Variants in CNTNAP5 observed in about 807,000 individuals in gnomAD.
The protein encoded by CNTNAP5 is contactin-associated protein-like 5.
Under a neutral mutation model 150.2 loss-of-function variants are expected in CNTNAP5, and 72 were observed. That is an observed-to-expected ratio of 0.48 (90% confidence interval 0.40 to 0.58). The LOEUF is 0.58. Ranked by LOEUF, CNTNAP5 falls within the 20% of genes least tolerant of loss-of-function variation. The pLI is 0.00. For missense variants in CNTNAP5, 1,636 were observed against 1,626.2 expected, an observed-to-expected ratio of 1.01 and a Z score of -0.10; for synonymous variants, 672 against 619.8, an observed-to-expected ratio of 1.08 and a Z score of -1.25.
intron 3 of CNTNAP5, among the ~76,000 whole-genome samples, chr2:124,412,969 G>A (rs1454887631): frequency 5.2e-5 from 4 of 76,218 alleles, no homozygotes; most frequent in Admixed American, 1.5e-4. Flanking sequence ...GAAAATTTTC[G>A]CAACCTACTC....
At chr2:124,853,824 G>A (rs1412707681) in intron 19 of CNTNAP5, among the ~76,000 whole-genome samples, 4 of 152,078 alleles carry the variant, frequency 2.6e-5, no homozygotes, top group Admixed American at 6.6e-5. Flanking sequence ...CCATCCTCAC[G>A]TAGGCCCTGG....
chr2:124,387,638 G>A (rs1690964252), intron 3 of CNTNAP5, among the ~76,000 whole-genome samples: 1 of 152,138 alleles, frequency 6.6e-6, no homozygotes, highest in South Asian at 2.1e-4. Flanking sequence ...TCTTAAGGGT[G>A]GGGGAGATTA....
chr2:124,405,671 G>T (rs983747921), intron 3 of CNTNAP5, among the ~76,000 whole-genome samples: 1 of 152,142 alleles, frequency 6.6e-6, no homozygotes, highest in African/African-American at 2.4e-5. Context: ...AATGTTCTTT[G>T]TAGTTATTCG....
chr2:124,286,083 A>C (rs569316454), intron 3 of CNTNAP5, among the ~76,000 whole-genome samples: 1 of 152,206 alleles, frequency 6.6e-6, no homozygotes, highest in African/African-American at 2.4e-5. Context: ...TTTTATTTTG[A>C]TAACAGAACA....
At chr2:124,753,985 C>T (rs188656055) in intron 14 of CNTNAP5, among the ~76,000 whole-genome samples, 7 of 152,308 alleles carry the variant, frequency 4.6e-5, no homozygotes, top group Non-Finnish European at 8.8e-5. Context: ...ACATTGCCCT[C>T]CCCAAGGGCC....
At chr2:124,428,503 T>C (rs1359965158) in intron 4 of CNTNAP5, among the ~76,000 whole-genome samples, 1 of 152,158 alleles carries the variant, frequency 6.6e-6, no homozygotes, top group Non-Finnish European at 1.5e-5. Flanking sequence ...ACCTCTACCA[T>C]AACAAAGCCT....
intron 3 of CNTNAP5, among the ~76,000 whole-genome samples, chr2:124,401,385 T>C (rs184443092): frequency 5.2e-5 from 8 of 152,382 alleles, no homozygotes; most frequent in Non-Finnish European, 7.3e-5. Flanking sequence ...TCTGGGTTGA[T>C]GTACATAATA....
chr2:124,394,954 A>G (rs1691208783), intron 3 of CNTNAP5, among the ~76,000 whole-genome samples: 1 of 152,192 alleles, frequency 6.6e-6, no homozygotes, highest in African/African-American at 2.4e-5. Flanking sequence ...ACTCAGTAAA[A>G]TACATAATAA....
At chr2:124,400,750 T>A (rs982659346) in intron 3 of CNTNAP5, among the ~76,000 whole-genome samples, 2 of 151,822 alleles carry the variant, frequency 1.3e-5, no homozygotes, top group African/African-American at 4.8e-5. Context: ...TTCAGTCTTT[T>A]CCAGGCATGT....
intron 3 of CNTNAP5, among the ~76,000 whole-genome samples, chr2:124,297,989 T>C (rs921776002): frequency 5.3e-5 from 8 of 151,798 alleles, no homozygotes; most frequent in Non-Finnish European, 1.0e-4. Flanking sequence ...AGATTACAGG[T>C]GCTCACCACC....
chr2:124,030,182 G>T (rs1184792917), intron 1 of CNTNAP5, among the ~76,000 whole-genome samples: 1 of 152,038 alleles, frequency 6.6e-6, no homozygotes, highest in Non-Finnish European at 1.5e-5. Context: ...TGCTGATATT[G>T]CCTACTGGTC....
Position 124,509,009 on chromosome 2 carries a change from C to A in CNTNAP5, c.1327+4453C>A, listed in dbSNP as rs562051734. 3.3e-5 allele frequency among the ~76,000 whole-genome samples: 5 copies of A among 152,266 alleles called. No individual in the cohort carries two copies. The South Asian group carries it at 1.0e-3, about 32-fold the overall frequency. Reference sequence around the variant, plus strand: ...ATTTTTGAGAGTCAACGGGGCTATACTTGATGCTTGGTATGTCCCAAATGG... The same window carrying A: ...ATTTTTGAGAGTCAACGGGGCTATAATTGATGCTTGGTATGTCCCAAATGG... On this transcript the variant is annotated intron_variant, in intron 8 of 23. Transcript: ENST00000682447.
intron 3 of CNTNAP5, among the ~76,000 whole-genome samples, chr2:124,267,954 G>A (rs1161376219): frequency 1.3e-5 from 2 of 152,202 alleles, no homozygotes; most frequent in African/African-American, 4.8e-5. Context: ...GTCTGAGTAT[G>A]CAGAGGGAGG....
intron 1 of CNTNAP5, among the ~76,000 whole-genome samples, chr2:124,125,391 A>T (rs1020908044): frequency 6.6e-6 from 1 of 152,210 alleles, no homozygotes. Flanking sequence ...CACCCAATAC[A>T]GGAGCACCCA....
chr2:124,885,227 A>C (rs1299009007), intron 21 of CNTNAP5, among the ~76,000 whole-genome samples: 3 of 151,900 alleles, frequency 2.0e-5, no homozygotes. Flanking sequence ...TTCTGCTCAT[A>C]AGGTCTTGCA....
intron 1 of CNTNAP5, among the ~76,000 whole-genome samples, chr2:124,115,592 G>A (rs1683407683): frequency 6.6e-6 from 1 of 151,386 alleles, no homozygotes; most frequent in Admixed American, 6.6e-5. Context: ...ATGAAACTAG[G>A]ATTTCTCTTC....
intron 3 of CNTNAP5, among the ~76,000 whole-genome samples, chr2:124,284,191 G>A (rs981963016): frequency 2.0e-5 from 3 of 152,284 alleles, no homozygotes; most frequent in African/African-American, 7.2e-5. Flanking sequence ...GTTTAGCAGA[G>A]GAACCAGATA....
intron 3 of CNTNAP5, among the ~76,000 whole-genome samples, chr2:124,390,218 T>C (rs1252105155): frequency 6.6e-6 from 1 of 152,164 alleles, no homozygotes; most frequent in East Asian, 1.9e-4. Context: ...CCTAGATCTT[T>C]CTCTGCCTTC....
chr2:124,509,758 T>A (rs959031972), intron 8 of CNTNAP5, among the ~76,000 whole-genome samples: 1 of 152,292 alleles, frequency 6.6e-6, no homozygotes, highest in East Asian at 1.9e-4. Context: ...CATCTATAGA[T>A]AATCTACAGA....
Sources: gnomAD v4.1 joint callset for allele counts (sites outside exome capture counted in the v4.1 genomes callset) on GRCh38, gnomAD v4.1.1 for gene constraint, MANE v1.5 for transcripts, NCBI Gene and HGNC (gene_info 2026-07-23, HGNC 2026-07-21) for gene names.